CDH1: variants seen among roughly 807,000 people sequenced by gnomAD.
CDH1 encodes the protein cadherin-1.
In CDH1, 35 loss-of-function variants were observed where a neutral mutation model predicts 84.5. That is an observed-to-expected ratio of 0.41 (90% CI 0.32 to 0.55). CDH1 has a LOEUF of 0.55. CDH1 is among the 20% of genes least tolerant of loss of function. CDH1 has a pLI of 0.19. For missense variants in CDH1, 994 were observed against 1,126.6 expected, an observed-to-expected ratio of 0.88 and a Z score of 1.68; for synonymous variants, 417 against 439.0, an observed-to-expected ratio of 0.95 and a Z score of 0.63.
rs34551002 is a variant in CDH1 at position 68,750,150 on chromosome 16, C to CTTTTTTTTTTTTTTTTTTTTTTT, written c.163+11749_163+11750insTTTTTTTTTTTTTTTTTTTTTTT. Among the ~76,000 whole-genome samples the CTTTTTTTTTTTTTTTTTTTTTTT allele has an allele frequency of 2.9e-3, 226 of 79,020 alleles. 15 individuals carry two copies. The highest frequency in any genetic ancestry group is 4.3e-3 in the Non-Finnish European group (166 of 38,484). The allele number at this position is 79,020 out of a possible 152,430, so 51.8% of individuals were successfully genotyped here. A position where few individuals can be genotyped will look rare whatever the true frequency, so the allele number is the denominator to read the frequency against. On this transcript the variant is annotated intron_variant, in intron 2 of 15. Coordinates refer to ENST00000261769, the MANE Select transcript of CDH1 (RefSeq NM_004360.5). Reference sequence around the variant, plus strand: ...TTTTGATTGTGATGCTAGAATTCAGCTTTTTTTTTTGCCTTTGGAAGGCCT... The same window carrying CTTTTTTTTTTTTTTTTTTTTTTT: ...TTTTGATTGTGATGCTAGAATTCAGCTTTTTTTTTTTTTTTTTTTTTTTTTTTTTTTTTGCCTTTGGAAGGCCT...
At position 68,813,352 on chromosome 16, in the gene CDH1, A is replaced by G. The variant is rs1555515877; in HGVS notation, c.1177A>G (p.Ile393Val). 1 of 1,614,198 alleles carries G rather than the reference A, an allele frequency of 6.2e-7. No homozygotes were observed. The highest frequency in any genetic ancestry group is 8.5e-7 in the Non-Finnish European group (1 of 1,180,030). ...QVPENEANVV[I>V]TTLKVTDADA... is the part of the protein sequence containing the mutation. Reference sequence around the variant, plus strand: ...GCCTGAGAACGAGGCTAACGTCGTAATCACCACACTGAAAGTGACTGATGC... The same window carrying G: ...GCCTGAGAACGAGGCTAACGTCGTAGTCACCACACTGAAAGTGACTGATGC... Residue 393 changes from isoleucine to valine, a missense_variant, in exon 9 of 16, where the codon ATC (isoleucine) becomes GTC (valine). By Grantham distance (29) the Ile-to-Val change is conservative (BLOSUM62 3). Transcript: ENST00000261769.
rs374699933 is a variant in CDH1 at position 68,775,891 on chromosome 16, C to T, written c.164-25779C>T. Among the ~76,000 whole-genome samples, 49 of 152,350 alleles carry T rather than the reference C, an allele frequency of 3.2e-4. 1 individual carries two copies. In the South Asian group the frequency reaches 8.7e-3, roughly 27 times the overall value. On this transcript the variant is annotated intron_variant, in intron 2 of 15. Transcript: ENST00000261769. ...ATGTCCCCCTTTACATTTCCCCTGT[C>T]TTCCACAGGTCTCCCCCATCCACCC...
chr16:68,790,082 C>G (rs1960167960), intron 2 of CDH1, among the ~76,000 whole-genome samples: 1 of 151,960 alleles, frequency 6.6e-6, no homozygotes, highest in Non-Finnish European at 1.5e-5. Context: ...AACAAAAAAC[C>G]CAGGAAAGTC....
chr16:68,824,743 C>A (rs1961272716), intron 13 of CDH1, among the ~76,000 whole-genome samples: 1 of 152,176 alleles, frequency 6.6e-6, no homozygotes, highest in African/African-American at 2.4e-5. Flanking sequence ...AGGGGTGACA[C>A]AGGAGCTGTT....
chr16:68,821,087 G>GTATAC (rs1961130580), intron 11 of CDH1, among the ~76,000 whole-genome samples: 1 of 152,044 alleles, frequency 6.6e-6, no homozygotes, highest in African/African-American at 2.4e-5. Flanking sequence ...TATCCGTATC[G>GTATAC]TATACTAATA....
rs2152138313 is a variant in CDH1 at position 68,822,084 on chromosome 16, A to G, written c.1795A>G (p.Thr599Ala). The change falls in exon 12 of 16, where the codon ACT becomes GCT. Residue 599 changes from threonine (T) to alanine (A), a missense_variant. By Grantham distance (58) the Thr-to-Ala change is moderately conservative (BLOSUM62 0). This residue lies in a region of CDH1 where 769 missense variants were observed against 881.8 expected (regional missense o/e 0.87). Coordinates refer to ENST00000261769, the MANE Select transcript of CDH1 (RefSeq NM_004360.5). ...NDNAPIPEPR[T>A]IFFCERNPKP... ...CAACGCCCCCATACCAGAACCTCGA[A>G]CTATATTCTTCTGTGAGAGGAATCC... The G allele has an allele frequency of 1.2e-6, 2 of 1,614,166 alleles. No homozygotes were observed. The highest frequency in any genetic ancestry group is 1.7e-6 in the Non-Finnish European group (2 of 1,180,016).
intron 8 of CDH1, among the ~76,000 whole-genome samples, chr16:68,813,031 C>G (rs1439851443): frequency 2.0e-5 from 3 of 152,002 alleles, no homozygotes; most frequent in African/African-American, 4.8e-5. Flanking sequence ...TGCCTGGCCT[C>G]TCCTTGTCAC....
At chr16:68,799,985 C>G (rs4783684) in intron 2 of CDH1, among the ~76,000 whole-genome samples, 61,743 of 149,972 alleles carry the variant, frequency 0.41, 14,064 homozygotes, top group African/African-American at 0.61. Flanking sequence ...ACTCCAGCCT[C>G]GGCAACAGAG....
intron 3 of CDH1, among the ~76,000 whole-genome samples, chr16:68,802,098 A>C (rs1452437464): frequency 1.3e-5 from 2 of 152,236 alleles, no homozygotes; most frequent in Admixed American, 6.5e-5. Context: ...ATGACAACCC[A>C]AAGTATCTCC....
At chr16:68,763,718 T>C (rs1428502747) in intron 2 of CDH1, among the ~76,000 whole-genome samples, 1 of 152,252 alleles carries the variant, frequency 6.6e-6, no homozygotes, top group Non-Finnish European at 1.5e-5. Context: ...CAGTTGTTTA[T>C]AGGCCTTTGC....
rs55899466 is a variant in CDH1 at position 68,762,912 on chromosome 16, C to CAAAA, written c.163+24529_163+24532dup. ...TCGGCAACAGAGCAAGATTCCGTCT[C>CAAAA]AAAAAAAAAAAAAAAAAAAAAAAAA... On this transcript the variant is annotated intron_variant, in intron 2 of 15. Transcript: ENST00000261769. Among the ~76,000 whole-genome samples the CAAAA allele has an allele frequency of 7.8e-4, 48 of 61,480 alleles. 1 individual carries two copies. The highest frequency in any genetic ancestry group is 1.9e-3 in the East Asian group (3 of 1,590). The allele number at this position is 61,480 out of a possible 152,430, so 40.3% of individuals were successfully genotyped here. A position where few individuals can be genotyped will look rare whatever the true frequency, so the allele number is the denominator to read the frequency against.
Position 68,738,964 on chromosome 16 carries a change from T to TTTTTTTTTTTTTTTTTTTTTTTA in CDH1, c.163+553_163+554insTTTTTTTTTTTTTTTTTTTTTTA, listed in dbSNP as rs555202424. Among the ~76,000 whole-genome samples the TTTTTTTTTTTTTTTTTTTTTTTA allele has an allele frequency of 3.1e-5, 2 of 65,364 alleles. 1 individual carries two copies. The highest frequency in any genetic ancestry group is 5.6e-5 in the Non-Finnish European group (2 of 35,546). The allele number at this position is 65,364 out of a possible 152,430, so 42.9% of individuals were successfully genotyped here. On this transcript the variant is annotated intron_variant, in intron 2 of 15. Transcript: ENST00000261769. ...TTTTTTTTTTTTTTTTTTTTTTTTTTAAAGACAGGGTCTTGCTCTGTTGCC... is the reference window on the plus strand; with the variant it reads ...TTTTTTTTTTTTTTTTTTTTTTTTTTTTTTTTTTTTTTTTTTTTTTTTAAAAGACAGGGTCTTGCTCTGTTGCC...
At chr16:68,795,247 A>C (rs1232753032) in intron 2 of CDH1, among the ~76,000 whole-genome samples, 2 of 152,186 alleles carry the variant, frequency 1.3e-5, no homozygotes, top group Non-Finnish European at 2.9e-5. Flanking sequence ...AGTTAGAAAC[A>C]CTGTCCCTAA....
intron 3 of CDH1, among the ~76,000 whole-genome samples, chr16:68,802,803 G>A (rs1359026188): frequency 6.6e-6 from 1 of 152,048 alleles, no homozygotes. Context: ...TTTGCTTTTT[G>A]TGCTTCCAGT....
chr16:68,800,253 C>G (rs4783686), intron 2 of CDH1, among the ~76,000 whole-genome samples: 36,282 of 151,838 alleles, frequency 0.24, 5,018 homozygotes, highest in Middle Eastern at 0.34. Context: ...AACCATGAGA[C>G]TAACCCATGT....
intron 2 of CDH1, among the ~76,000 whole-genome samples, chr16:68,746,816 G>A (rs1310312737): frequency 1.3e-5 from 2 of 152,172 alleles, no homozygotes; most frequent in Non-Finnish European, 2.9e-5. Context: ...GGGCGTGGTG[G>A]TGCATGCCTG....
chr16:68,816,707 T>C (rs756781519), intron 10 of CDH1, among the ~76,000 whole-genome samples: 6 of 152,104 alleles, frequency 3.9e-5, no homozygotes, highest in Non-Finnish European at 7.4e-5. Context: ...TGAGATCGAG[T>C]CACTGCACTC....
At chr16:68,781,605 C>T (rs748932038) in intron 2 of CDH1, among the ~76,000 whole-genome samples, 7 of 152,080 alleles carry the variant, frequency 4.6e-5, no homozygotes, top group South Asian at 2.1e-4. Context: ...TCCCAAAGTG[C>T]GGGGATAACA....
intron 10 of CDH1, among the ~76,000 whole-genome samples, chr16:68,819,012 C>T (rs1961064170): frequency 6.6e-6 from 1 of 152,064 alleles, no homozygotes; most frequent in Admixed American, 6.6e-5. Flanking sequence ...TGTGCCACCA[C>T]ACCCAGCTAA....
Sources: gnomAD v4.1 joint callset for allele counts (sites outside exome capture counted in the v4.1 genomes callset) on GRCh38, gnomAD v4.1.1 for gene constraint, gnomAD v4.1.1 regional missense constraint, MANE v1.5 for transcripts, NCBI Gene and HGNC (gene_info 2026-07-23, HGNC 2026-07-21) for gene names.